The following CSMD1 variants were observed in gnomAD, a reference collection of about 807,000 sequenced individuals.
CSMD1 encodes CUB and Sushi multiple domains 1, also known as CUB and sushi domain-containing protein 1.
CSMD1 carries 213 observed loss-of-function variants against 417.5 expected under a neutral mutation model. That is an observed-to-expected ratio of 0.51 (90% CI 0.46 to 0.57). The LOEUF (loss-of-function observed/expected upper bound fraction) is 0.57, where lower values mean the gene tolerates loss of function less well. Among genes scored for constraint, CSMD1 ranks in the 20% least tolerant of loss-of-function variants. CSMD1 has a pLI of 0.00. For synonymous variants in CSMD1, 2,862 were observed against 1,736.8 expected (o/e 1.65, Z -16.11); for missense variants, 6,923 against 4,529.7 (o/e 1.53, Z -15.17).
intron 7 of CSMD1, among the ~76,000 whole-genome samples, chr8:3,685,019 C>G (rs1269182818): frequency 6.6e-6 from 1 of 152,032 alleles, no homozygotes; most frequent in Non-Finnish European, 1.5e-5. Flanking sequence ...GTGAGCTCCA[C>G]TTAGAAGGAT....
In CSMD1 at chr8:3,366,146, C is replaced by T. The variant is rs146487958; in HGVS notation, c.3115+886G>A. ...GCTATGAGGAATAAGGAAGGAAAAC[C>T]CTCTTCGTCCAAAGCATCATATGCA... On this transcript the variant is annotated intron_variant, in intron 20 of 69. Coordinates refer to ENST00000635120, the MANE Select transcript of CSMD1 (RefSeq NM_033225.6). Among the ~76,000 whole-genome samples, 1,302 of 152,116 alleles carry T rather than the reference C, an allele frequency of 8.6e-3. 20 individuals carry two copies. The highest frequency in any genetic ancestry group is 0.03 in the African/African-American group (1,236 of 41,512).
intron 2 of CSMD1, among the ~76,000 whole-genome samples, chr8:4,487,218 A>G (rs1490124283): frequency 6.6e-6 from 1 of 152,066 alleles, no homozygotes; most frequent in Non-Finnish European, 1.5e-5. Context: ...CATGTGCACA[A>G]TGTGCCGGTT....
At chr8:4,659,891 A>T (rs1015820522) in intron 1 of CSMD1, among the ~76,000 whole-genome samples, 3 of 152,134 alleles carry the variant, frequency 2.0e-5, no homozygotes, top group African/African-American at 7.2e-5. Flanking sequence ...CATGTCCATC[A>T]GGGAAAAAAT....
chr8:4,108,557 C>T (rs527420336), intron 3 of CSMD1, among the ~76,000 whole-genome samples: 1 of 152,178 alleles, frequency 6.6e-6, no homozygotes, highest in Non-Finnish European at 1.5e-5. Flanking sequence ...CCAGAAATCA[C>T]CATCCACTGA....
intron 10 of CSMD1, among the ~76,000 whole-genome samples, chr8:3,567,131 T>G (rs372736636): frequency 6.6e-6 from 1 of 152,130 alleles, no homozygotes; most frequent in Non-Finnish European, 1.5e-5. Flanking sequence ...TGCAGGGGCA[T>G]GGATGAAGCC....
chr8:4,226,068 AC>A (rs1801333681), intron 3 of CSMD1, among the ~76,000 whole-genome samples: 1 of 964 alleles, frequency 1.0e-3, no homozygotes, highest in Non-Finnish European at 5.0e-3. Flanking sequence ...TGACAGGCGG[AC>A]ACACACACAC....
At chr8:4,797,807 G>A (rs1563416644) in intron 1 of CSMD1, among the ~76,000 whole-genome samples, 1 of 152,072 alleles carries the variant, frequency 6.6e-6, no homozygotes, top group Non-Finnish European at 1.5e-5. Context: ...AAATACTTGT[G>A]CTCATGTAAC....
chr8:3,609,606 T>C (rs1801788837), intron 8 of CSMD1, among the ~76,000 whole-genome samples: 1 of 152,072 alleles, frequency 6.6e-6, no homozygotes, highest in Non-Finnish European at 1.5e-5. Flanking sequence ...AAAAGTGAAC[T>C]CTTTTTAACA....
At chr8:4,608,853 G>C (rs533829123) in intron 2 of CSMD1, among the ~76,000 whole-genome samples, 117 of 152,246 alleles carry the variant, frequency 7.7e-4, no homozygotes, top group Non-Finnish European at 8.8e-4. Context: ...GCTTTCTATA[G>C]AACAGGGAAC....
intron 7 of CSMD1, among the ~76,000 whole-genome samples, chr8:3,690,530 T>G (rs1800182796): frequency 6.6e-6 from 1 of 152,196 alleles, no homozygotes; most frequent in African/African-American, 2.4e-5. Context: ...AATAGACTGT[T>G]AGTCATCATC....
intron 3 of CSMD1, among the ~76,000 whole-genome samples, chr8:4,325,359 T>C (rs936979691): frequency 1.3e-5 from 2 of 152,126 alleles, no homozygotes; most frequent in African/African-American, 2.4e-5. Flanking sequence ...TAGGAAGTCT[T>C]AGATAATCCC....
chr8:4,629,182 C>G (rs1363001468), intron 2 of CSMD1, among the ~76,000 whole-genome samples: 1 of 152,138 alleles, frequency 6.6e-6, no homozygotes, highest in Non-Finnish European at 1.5e-5. Context: ...TTGTAGAATA[C>G]ATTCTTAGCT....
At chr8:4,739,387 C>T (rs1810454262) in intron 1 of CSMD1, among the ~76,000 whole-genome samples, 1 of 152,124 alleles carries the variant, frequency 6.6e-6, no homozygotes, top group South Asian at 2.1e-4. Flanking sequence ...CAGTCATATT[C>T]CCTATTTAGT....
intron 2 of CSMD1, among the ~76,000 whole-genome samples, chr8:4,541,273 C>A (rs1797371865): frequency 6.6e-6 from 1 of 152,178 alleles, no homozygotes; most frequent in South Asian, 2.1e-4. Context: ...CTCTCATCCC[C>A]AGGATCTACT....
At position 3,223,780 on chromosome 8, in the gene CSMD1, T is replaced by G; in HGVS notation, c.4433A>C (p.Asp1478Ala). The G allele has an allele frequency of 6.2e-7, 1 of 1,613,906 alleles. No homozygotes were observed. Among genetic ancestry groups the G allele is most frequent in the Non-Finnish European group, 8.5e-7 (1 of 1,179,820 alleles). ...PQPYPPGKEC[D>A]WRVKVNPDFV... ...GTCCGGGTTCACTTTTACTCTCCAG[T>G]CACATTCCTTCCCAGGAGGATACGG... is the stretch of plus-strand genomic sequence containing the variant. Residue 1478 changes from aspartate to alanine, a missense_variant, in exon 28 of 70, where the codon GAC becomes GCC. By Grantham distance (126) the Asp-to-Ala change is moderately radical. Coordinates refer to ENST00000635120, the MANE Select transcript of CSMD1 (RefSeq NM_033225.6).
intron 6 of CSMD1, among the ~76,000 whole-genome samples, chr8:3,727,824 G>T (rs916038303): frequency 3.3e-5 from 5 of 152,204 alleles, no homozygotes; most frequent in African/African-American, 1.2e-4. Context: ...AGATGGGTGA[G>T]CTTTAGGGCA....
At chr8:4,849,974 T>A (rs1436173975) in intron 1 of CSMD1, among the ~76,000 whole-genome samples, 1 of 152,184 alleles carries the variant, frequency 6.6e-6, no homozygotes, top group Non-Finnish European at 1.5e-5. Flanking sequence ...GTGGCTGAAC[T>A]TTTTTCCATT....
chr8:3,376,673 C>G (rs1265108539), intron 18 of CSMD1, among the ~76,000 whole-genome samples: 1 of 151,990 alleles, frequency 6.6e-6, no homozygotes, highest in Non-Finnish European at 1.5e-5. Context: ...TCCCAATGTT[C>G]ACTTCTTTAA....
intron 5 of CSMD1, among the ~76,000 whole-genome samples, chr8:3,764,070 T>C (rs2069972675): frequency 1.3e-5 from 2 of 152,122 alleles, no homozygotes; most frequent in African/African-American, 4.8e-5. Flanking sequence ...CCACAGGCTC[T>C]CAGATGTATA....
Sources: gnomAD v4.1 joint callset for allele counts (sites outside exome capture counted in the v4.1 genomes callset) on GRCh38, gnomAD v4.1.1 for gene constraint, MANE v1.5 for transcripts, NCBI Gene and HGNC (gene_info 2026-07-23, HGNC 2026-07-21) for gene names.